The following DGKH variants were observed in gnomAD, a reference collection of about 807,000 sequenced individuals.
DGKH encodes the protein diacylglycerol kinase eta, also known as DAG kinase eta.
DGKH carries 90 observed loss-of-function variants against 159.3 expected under a neutral mutation model. That is an observed-to-expected ratio of 0.57 (90% confidence interval 0.48 to 0.67). The LOEUF (loss-of-function observed/expected upper bound fraction) is 0.67, where lower values mean the gene tolerates loss of function less well. DGKH is among the 30% of genes least tolerant of loss of function. DGKH has a pLI of 0.00. For missense variants in DGKH, 1,181 were observed against 1,506.1 expected, an observed-to-expected ratio of 0.78 and a Z score of 3.57; for synonymous variants, 536 against 553.8, an observed-to-expected ratio of 0.97 and a Z score of 0.45.
chr13:42,256,385 C>T (rs1011704715), exon 31 of DGKH: 35 of 1,579,280 alleles, frequency 2.2e-5, no homozygotes, highest in African/African-American at 1.5e-4. Flanking sequence ...TCTCAATCCT[C>T]GTATAGCGTA....
intron 13 of DGKH, among the ~76,000 whole-genome samples, chr13:42,180,944 C>T (rs994457875): frequency 6.6e-6 from 1 of 152,112 alleles, no homozygotes; most frequent in Non-Finnish European, 1.5e-5. Context: ...TACCCAGTCC[C>T]AAATTCTATA....
intron 1 of DGKH, among the ~76,000 whole-genome samples, chr13:42,040,369 C>T (rs1241612215): frequency 2.0e-5 from 3 of 151,994 alleles, no homozygotes; most frequent in South Asian, 4.1e-4. Flanking sequence ...CGCCCGGCCC[C>T]GGGGGAGGCC....
At chr13:42,062,021 G>T (rs796156176) in intron 1 of DGKH, among the ~76,000 whole-genome samples, 3 of 146,646 alleles carry the variant, frequency 2.0e-5, no homozygotes, top group Non-Finnish European at 4.5e-5. Flanking sequence ...AAAATATTTG[G>T]GTTCAATTGA....
rs759064742 is a variant in DGKH at position 42,194,909 on chromosome 13, A to G, written c.2060A>G (p.Asp687Gly). 16 of 1,613,720 alleles carry G rather than the reference A, an allele frequency of 9.9e-6. 1 individual carries two copies. The highest frequency in any genetic ancestry group is 8.5e-6 in the Non-Finnish European group (10 of 1,179,918). ...GTTAAAACTGCACCTCGGTCTCCAG[A>G]TGCCCGGGCAAGTTATGGCCATTCC... ...ITVKTAPRSP[D>G]ARASYGHSQT... Residue 687 changes from aspartate to glycine, a missense_variant, in exon 17 of 30, where the codon GAT (aspartate) becomes GGT (glycine). By Grantham distance (94) the Asp-to-Gly change is moderately conservative. Coordinates refer to ENST00000337343, the MANE Select transcript of DGKH (RefSeq NM_178009.5).
In DGKH at chr13:42,143,605, A is replaced by G. The variant is rs185518215; in HGVS notation, c.385-11686A>G. Among the ~76,000 whole-genome samples the G allele has an allele frequency of 1.8e-3, 278 of 152,206 alleles. 4 individuals carry two copies. In the East Asian group the frequency reaches 0.043, roughly 24 times the overall value. On this transcript the variant is annotated intron_variant, in intron 3 of 29. Transcript: ENST00000337343. ...TGTTATTGGTCTATTCAGAGATTCAACTTCTTCCTGGTTTCGTCTTGGGAG... is the reference window on the plus strand; with the variant it reads ...TGTTATTGGTCTATTCAGAGATTCAGCTTCTTCCTGGTTTCGTCTTGGGAG...
At chr13:42,225,772 CAA>C (rs66933711) in intron 29 of DGKH, among the ~76,000 whole-genome samples, 10 of 120,402 alleles carry the variant, frequency 8.3e-5, no homozygotes, top group African/African-American at 1.8e-4. Flanking sequence ...GACTCTGTCT[CAA>C]AAAAAAAAAA....
rs1342676583 is a variant in DGKH at position 42,214,493 on chromosome 13, A to G, written c.3015-14A>G. ...AAAAAGTTTTTTATTCATTTGTTTC[A>G]TTTTTGCTTTTAGGATATGTGACGC... On this transcript the variant is annotated splice_polypyrimidine_tract_variant and intron_variant, in intron 24 of 29. Coordinates refer to ENST00000337343, the MANE Select transcript of DGKH (RefSeq NM_178009.5). 1.3e-6 allele frequency: 2 copies of G among 1,599,946 alleles called. No individual in the cohort carries two copies. The highest frequency in any genetic ancestry group is 2.2e-5 in the East Asian group (1 of 44,764).
At chr13:42,104,091 G>T (rs964434784) in intron 1 of DGKH, among the ~76,000 whole-genome samples, 4 of 152,168 alleles carry the variant, frequency 2.6e-5, no homozygotes, top group African/African-American at 9.7e-5. Flanking sequence ...CTCTAATATA[G>T]CTTAAATATT....
chr13:42,186,680 G>A (rs941886053), intron 13 of DGKH, among the ~76,000 whole-genome samples: 3 of 152,072 alleles, frequency 2.0e-5, no homozygotes, highest in African/African-American at 7.2e-5. Flanking sequence ...TCTTATTTTT[G>A]TTCAGCAATG....
chr13:42,189,371 G>T, intron 15 of DGKH, 62 bp downstream of exon 15: 3 of 1,599,254 alleles, frequency 1.9e-6, no homozygotes, highest in Non-Finnish European at 2.6e-6. Flanking sequence ...AAGCATAACG[G>T]AGTTTCCATA....
chr13:42,126,084 A>G (rs144969588), intron 1 of DGKH, among the ~76,000 whole-genome samples: 20 of 152,176 alleles, frequency 1.3e-4, no homozygotes, highest in Non-Finnish European at 2.9e-4. Flanking sequence ...TCCTATAGAA[A>G]GGCTCTAGTG....
chr13:42,196,052 C>T (rs1363008615), intron 17 of DGKH: 1 of 152,216 alleles, frequency 6.6e-6, no homozygotes, highest in African/African-American at 2.4e-5. Context: ...TGAAAGGATG[C>T]TCAACATCGT....
chr13:42,069,724 A>G (rs1882830312), intron 1 of DGKH: 2 of 1,106,436 alleles, frequency 1.8e-6, no homozygotes, highest in Non-Finnish European at 2.6e-6. Context: ...TCTCCAAACT[A>G]AGTTATCTAA....
At chr13:42,075,510 TTTTCTTTCCTTAAATC>T (rs1566088116) in intron 1 of DGKH, among the ~76,000 whole-genome samples, 1 of 152,158 alleles carries the variant, frequency 6.6e-6, no homozygotes, top group Non-Finnish European at 1.5e-5. Context: ...TAAAATAACT[TTTTCTTTCCTTAAATC>T]TTTCAGAAGC....
At chr13:42,088,482 G>A (rs183963571) in intron 1 of DGKH, among the ~76,000 whole-genome samples, 2 of 152,060 alleles carry the variant, frequency 1.3e-5, no homozygotes, top group African/African-American at 2.4e-5. Context: ...ACAAAGGAGG[G>A]GAGTTTGAGG....
intron 1 of DGKH, among the ~76,000 whole-genome samples, chr13:42,083,208 T>A (rs545288219): frequency 6.6e-6 from 1 of 152,126 alleles, no homozygotes; most frequent in Non-Finnish European, 1.5e-5. Context: ...TTAAAATGTG[T>A]GTGAAGCAAA....
intron 29 of DGKH, among the ~76,000 whole-genome samples, chr13:42,226,058 A>G (rs1016588565): frequency 2.0e-5 from 3 of 152,158 alleles, no homozygotes; most frequent in African/African-American, 7.2e-5. Context: ...CATCTGAACA[A>G]AGGTCTAATA....
chr13:42,100,518 C>T (rs115650753), intron 1 of DGKH, among the ~76,000 whole-genome samples: 2,045 of 152,188 alleles, frequency 0.013, 48 homozygotes, highest in African/African-American at 0.045. Context: ...AGGTTGGGGA[C>T]TGCTGCATTA....
intron 1 of DGKH, among the ~76,000 whole-genome samples, chr13:42,042,934 A>T (rs750743185): frequency 2.6e-5 from 4 of 152,268 alleles, no homozygotes; most frequent in Non-Finnish European, 4.4e-5. Context: ...GCATATAAAG[A>T]TAAATGTGGG....
Sources: gnomAD v4.1 joint callset for allele counts (sites outside exome capture counted in the v4.1 genomes callset) on GRCh38, gnomAD v4.1.1 for gene constraint, MANE v1.5 for transcripts, NCBI Gene and HGNC (gene_info 2026-07-23, HGNC 2026-07-21) for gene names.